Variants in NRG1 observed in about 807,000 individuals in gnomAD.
The protein encoded by NRG1 is neuregulin 1.
NRG1 carries 18 observed loss-of-function variants against 63.8 expected under a neutral mutation model. The observed-to-expected ratio is 0.28, with a 90% confidence interval of 0.19 to 0.42. The LOEUF (loss-of-function observed/expected upper bound fraction) is 0.42. Ranked by LOEUF, NRG1 falls within the 10% of genes least tolerant of loss-of-function variation. The probability of loss-of-function intolerance (pLI) is 1.00; values close to 1 mark genes in which losing one functional copy is unlikely to be tolerated. For missense variants in NRG1, 762 were observed against 814.7 expected (o/e 0.94, Z 0.79); for synonymous variants, 302 against 301.3 (o/e 1.00, Z -0.02).
chr8:32,382,213 A>G (rs1052332152), intron 1 of NRG1, among the ~76,000 whole-genome samples: 3 of 152,154 alleles, frequency 2.0e-5, no homozygotes, highest in African/African-American at 7.2e-5. Context: ...CAAGGTGACA[A>G]ATTTAGCAGG....
chr8:32,671,589 C>CTT (rs1310190781), intron 5 of NRG1, among the ~76,000 whole-genome samples: 2 of 152,148 alleles, frequency 1.3e-5, no homozygotes, highest in Middle Eastern at 3.2e-3. Context: ...AGCATGTATG[C>CTT]ACGCACACAC....
intron 2 of NRG1, among the ~76,000 whole-genome samples, chr8:32,604,250 GA>G (rs376836556): frequency 1.3e-5 from 2 of 152,140 alleles, no homozygotes; most frequent in African/African-American, 4.8e-5. Flanking sequence ...ATTGTAGGAA[GA>G]AAAAATGACA....
At chr8:32,552,059 C>T (rs1261937475) in intron 1 of NRG1, among the ~76,000 whole-genome samples, 12 of 151,696 alleles carry the variant, frequency 7.9e-5, no homozygotes, top group Admixed American at 2.0e-4. Flanking sequence ...TACAGGTGTG[C>T]GCCACCATGC....
At chr8:31,862,216 A>G (rs57418877) in intron 1 of NRG1, among the ~76,000 whole-genome samples, 1 of 152,222 alleles carries the variant, frequency 6.6e-6, no homozygotes, top group African/African-American at 2.4e-5. Flanking sequence ...TTTCTGAGAC[A>G]TTAACCTTAA....
At chr8:31,736,191 G>T (rs1419828248) in intron 1 of NRG1, among the ~76,000 whole-genome samples, 1 of 152,072 alleles carries the variant, frequency 6.6e-6, no homozygotes, top group Non-Finnish European at 1.5e-5. Context: ...TTCAGACATA[G>T]GGGCATCACT....
chr8:31,732,886 T>G (rs756229853), intron 1 of NRG1, among the ~76,000 whole-genome samples: 4 of 152,072 alleles, frequency 2.6e-5, no homozygotes, highest in Non-Finnish European at 4.4e-5. Flanking sequence ...GGTGTAAGAG[T>G]GAGACTCTGT....
At chr8:31,652,001 C>A (rs959701606) in intron 1 of NRG1, among the ~76,000 whole-genome samples, 8 of 152,210 alleles carry the variant, frequency 5.3e-5, no homozygotes, top group Non-Finnish European at 7.3e-5. Flanking sequence ...ATCTCCACTG[C>A]CAGTCCCTCT....
intron 1 of NRG1, among the ~76,000 whole-genome samples, chr8:32,157,707 T>C (rs929759887): frequency 1.3e-5 from 2 of 149,688 alleles, no homozygotes; most frequent in African/African-American, 2.4e-5. Context: ...AATATTTTTA[T>C]ATACATATCT....
intron 5 of NRG1, among the ~76,000 whole-genome samples, chr8:32,654,475 A>G (rs1385643783): frequency 6.7e-6 from 1 of 149,544 alleles, no homozygotes; most frequent in African/African-American, 2.4e-5. Context: ...CTAAAAATAC[A>G]AAAATTAGCC....
intron 4 of NRG1, 27 bp from the exon 5 acceptor site, chr8:32,616,808 G>T (rs1212369594): frequency 1.9e-6 from 3 of 1,587,454 alleles, no homozygotes; most frequent in South Asian, 2.2e-5. Context: ...ACTCAATAAA[G>T]CCTCATTCCA....
intron 11 of NRG1, chr8:32,761,097 G>A (rs56114184): frequency 0.018 from 9,087 of 508,388 alleles, 778 homozygotes; most frequent in African/African-American, 0.18. Context: ...TTGGGTTGGG[G>A]GAGTTATAGC....
At chr8:31,666,672 TG>T (rs1806576453) in intron 1 of NRG1, among the ~76,000 whole-genome samples, 1 of 152,216 alleles carries the variant, frequency 6.6e-6, no homozygotes, top group Non-Finnish European at 1.5e-5. Flanking sequence ...TTCTCAAAGT[TG>T]CTTTTTATGA....
At chr8:32,366,653 TTGTGTGTG>T (rs146191135) in intron 1 of NRG1, among the ~76,000 whole-genome samples, 1 of 101,972 alleles carries the variant, frequency 9.8e-6, no homozygotes, top group South Asian at 3.4e-4. Context: ...GTAATATATA[TTGTGTGTG>T]TGTGTGTGTG....
chr8:32,564,514 C>T (rs910099172), intron 1 of NRG1, among the ~76,000 whole-genome samples: 6 of 152,100 alleles, frequency 3.9e-5, no homozygotes, highest in South Asian at 2.1e-4. Flanking sequence ...TAAAAGCTGC[C>T]GATTGTTTCA....
intron 1 of NRG1, among the ~76,000 whole-genome samples, chr8:31,725,595 T>C (rs1813354140): frequency 6.6e-6 from 1 of 152,204 alleles, no homozygotes; most frequent in Non-Finnish European, 1.5e-5. Context: ...ACCTTTCTTT[T>C]TGCTAGTTTT....
At chr8:32,654,583 C>T (rs534446407) in intron 5 of NRG1, among the ~76,000 whole-genome samples, 1 of 151,506 alleles carries the variant, frequency 6.6e-6, no homozygotes, top group Non-Finnish European at 1.5e-5. Context: ...GAGCCGAGAT[C>T]GTGCCACTGC....
intron 1 of NRG1, among the ~76,000 whole-genome samples, chr8:32,563,335 G>A (rs1836811487): frequency 6.6e-6 from 1 of 152,132 alleles, no homozygotes; most frequent in Admixed American, 6.5e-5. Flanking sequence ...GTTTTATGTA[G>A]GAAACAGCTT....
intron 5 of NRG1, among the ~76,000 whole-genome samples, chr8:32,694,190 C>T (rs1812626342): frequency 6.6e-6 from 1 of 152,196 alleles, no homozygotes; most frequent in African/African-American, 2.4e-5. Flanking sequence ...CTGGTTAAAA[C>T]TCACGTTTTA....
intron 1 of NRG1, among the ~76,000 whole-genome samples, chr8:32,401,755 G>T (rs1813241055): frequency 6.6e-6 from 1 of 152,158 alleles, no homozygotes; most frequent in Admixed American, 6.5e-5. Flanking sequence ...TGGGAGGAGG[G>T]AGAAGATCAG....
Sources: allele counts gnomAD v4.1 joint callset (sites outside exome capture counted in the v4.1 genomes callset), GRCh38; gene constraint gnomAD v4.1.1; transcripts MANE v1.5; gene names NCBI Gene and HGNC (gene_info 2026-07-23, HGNC 2026-07-21).